Variants in ARHGEF11 observed in about 807,000 individuals in gnomAD.
ARHGEF11 encodes Rho guanine nucleotide exchange factor 11.
In ARHGEF11, 55 loss-of-function variants were observed where a neutral mutation model predicts 193.7. That is an observed-to-expected ratio of 0.28 (90% CI 0.23 to 0.36). ARHGEF11 has a LOEUF of 0.36. Among genes scored for constraint, ARHGEF11 ranks in the 10% least tolerant of loss-of-function variants. The pLI is 1.00. For missense variants in ARHGEF11, 1,723 were observed against 2,005.6 expected (o/e 0.86, Z 2.69); for synonymous variants, 693 against 768.0 (o/e 0.90, Z 1.62).
chr1:157,010,155 G>A (rs1045162168), intron 1 of ARHGEF11, among the ~76,000 whole-genome samples: 7 of 152,256 alleles, frequency 4.6e-5, no homozygotes, highest in South Asian at 4.1e-4. Context: ...GCAACACAGC[G>A]AGATCCCATC....
intron 1 of ARHGEF11, among the ~76,000 whole-genome samples, chr1:156,991,710 AT>A (rs57140356): frequency 2.4e-3 from 203 of 83,928 alleles, no homozygotes; most frequent in Non-Finnish European, 3.3e-3. Flanking sequence ...TTTCAAGCTT[AT>A]TTTTTTTTTT....
rs766925017 is a variant in ARHGEF11 at position 156,963,545 on chromosome 1, T to C, written c.1013A>G (p.Tyr338Cys). Reference protein sequence around the residue: ...KPLIIGPEEDYDPGYFNNESD... With the variant: ...KPLIIGPEEDCDPGYFNNESD... ...CTCGTTGTTGAAATAACCCGGGTCATAGTCTTCCTCTGGGCCAATAATTAA... is the reference window on the plus strand; with the variant it reads ...CTCGTTGTTGAAATAACCCGGGTCACAGTCTTCCTCTGGGCCAATAATTAA... Residue 338 changes from tyrosine to cysteine, a missense_variant, in exon 12 of 41, where the codon TAT becomes TGT. Tyr to Cys is a radical substitution (Grantham distance 194). Around this residue, in one of 5 missense-constraint regions of ARHGEF11, gnomAD observed 646 missense variants for 710.7 expected, o/e 0.91. Coordinates refer to ENST00000368194, the MANE Select transcript of ARHGEF11 (RefSeq NM_198236.3). 24 of 1,612,628 alleles carry C rather than the reference T, an allele frequency of 1.5e-5. No individual in the cohort carries two copies. The highest frequency in any genetic ancestry group is 4.0e-5 in the African/African-American group (3 of 74,830).
intron 30 of ARHGEF11, 75 bp from the exon 31 acceptor site, chr1:156,944,508 A>G (rs1657758772): frequency 1.3e-6 from 2 of 1,489,226 alleles, no homozygotes; most frequent in Admixed American, 3.4e-5. Flanking sequence ...ACTGTGTGCC[A>G]GACATTGTGT....
chr1:157,034,643 G>A (rs1412659472), intron 1 of ARHGEF11, among the ~76,000 whole-genome samples: 1 of 152,160 alleles, frequency 6.6e-6, no homozygotes, highest in Non-Finnish European at 1.5e-5. Flanking sequence ...AGCACATAGG[G>A]AGTATACCGT....
At position 156,963,319 on chromosome 1, in the gene ARHGEF11, G is replaced by T; in HGVS notation, c.1039-15C>A. 6.2e-7 allele frequency: 1 copy of T among 1,609,728 alleles called. No homozygotes were observed. Among genetic ancestry groups the T allele is most frequent in the Non-Finnish European group, 8.5e-7 (1 of 1,176,322 alleles). ...ATGATGTCGCTCTGGAAGGCAGAAG[G>T]ATGAGCATGGTGGGAAGCCGGGCAC... On this transcript the variant is annotated splice_polypyrimidine_tract_variant and intron_variant, in intron 12 of 40. Transcript: ENST00000368194.
rs1662514097 is a variant in ARHGEF11 at position 156,971,767 on chromosome 1, T to C, written c.632A>G (p.Gln211Arg). 3 of 1,613,942 alleles carry C rather than the reference T, an allele frequency of 1.9e-6. No homozygotes were observed. Among genetic ancestry groups the C allele is most frequent in the Non-Finnish European group, 2.5e-6 (3 of 1,180,004 alleles). ...SRNPASLLEE[Q>R]IEGARRRVTQ... ...GACTCGCCGCCGGGCACCTTCGATC[T>C]GCTCTTCCAGTAGGCTGGCGGGGTT... Residue 211 changes from glutamine to arginine, a missense_variant, in exon 8 of 41, where the codon CAG (glutamine) becomes CGG (arginine). Transcript: ENST00000368194.
chr1:156,959,943 C>CCCAAA (rs1553204878), intron 15 of ARHGEF11, among the ~76,000 whole-genome samples: 1 of 97,100 alleles, frequency 1.0e-5, no homozygotes, highest in African/African-American at 3.9e-5. Context: ...CCCCCCCCCC[C>CCCAAA]AAAAAAAACA....
intron 20 of ARHGEF11, 76 bp downstream of exon 20, chr1:156,955,627 C>T: frequency 8.4e-7 from 1 of 1,191,812 alleles, no homozygotes; most frequent in South Asian, 1.2e-5. Context: ...AGGCCCTCTG[C>T]CAACATACTG....
rs185180281 is a variant in ARHGEF11 at position 156,975,331 on chromosome 1, T to C, written c.582+1652A>G. On this transcript the variant is annotated intron_variant, in intron 7 of 40. Transcript: ENST00000368194. Reference sequence around the variant, plus strand: ...AATGCTGGGCATCTTCCCATGCTTATTGGCCATTTGTATGTCTGTCTTCTT... The same window carrying C: ...AATGCTGGGCATCTTCCCATGCTTACTGGCCATTTGTATGTCTGTCTTCTT... Among the ~76,000 whole-genome samples the C allele has an allele frequency of 3.9e-4, 60 of 152,368 alleles. No homozygotes were observed. In the Middle Eastern group the frequency reaches 0.017, roughly 43 times the overall value.
intron 39 of ARHGEF11, 93 bp downstream of exon 39, chr1:156,937,156 G>C: frequency 6.3e-7 from 1 of 1,585,982 alleles, no homozygotes; most frequent in South Asian, 1.2e-5. Flanking sequence ...ACAGGATCTA[G>C]GGCTCCCGCG....
At chr1:156,976,921 T>C in intron 7 of ARHGEF11, 62 bp downstream of exon 7, 1 of 1,444,716 alleles carries the variant, frequency 6.9e-7, no homozygotes, top group South Asian at 1.1e-5. Flanking sequence ...ATTGGCAGGC[T>C]GCTCTGATAA....
rs778595029 is a variant in ARHGEF11, at chr1:156,948,193, T to G, written c.2141A>C (p.Lys714Thr). The G allele has an allele frequency of 1.3e-6, 2 of 1,571,664 alleles. No homozygotes were observed. Among genetic ancestry groups the G allele is most frequent in the Non-Finnish European group, 1.7e-6 (2 of 1,156,824 alleles). The stretch of plus-strand genomic sequence containing the variant: ...GCCCATCACTTACCTGCGGCCCATT[T>G]TGGGAGTGAATGGAGGGGTTGGGTT... Reference protein sequence around the residue: ...LENPTPPFTPKMGRRSIESPS... With the variant: ...LENPTPPFTPTMGRRSIESPS... Residue 714 changes from lysine to threonine, a missense_variant, in exon 24 of 41, where the codon AAA becomes ACA. By Grantham distance (78) the Lys-to-Thr change is moderately conservative. This residue lies in a region of ARHGEF11 where 491 missense variants were observed against 654.5 expected (regional missense o/e 0.75). Coordinates refer to ENST00000368194, the MANE Select transcript of ARHGEF11 (RefSeq NM_198236.3). This position sits in a 1 kb window ranked among gnomAD's most constrained non-coding sequence, Gnocchi z 4.2.
At chr1:157,034,811 A>G (rs775641761) in intron 1 of ARHGEF11, among the ~76,000 whole-genome samples, 23 of 152,344 alleles carry the variant, frequency 1.5e-4, no homozygotes, top group Non-Finnish European at 2.8e-4. Flanking sequence ...ACTTTTACAC[A>G]AATTATTTTA....
intron 18 of ARHGEF11, among the ~76,000 whole-genome samples, chr1:156,956,881 A>G (rs191883234): frequency 2.0e-5 from 3 of 152,246 alleles, no homozygotes; most frequent in African/African-American, 7.2e-5. Flanking sequence ...ATTCCCTAAA[A>G]TGTAAGTAAA....
chr1:156,938,589 G>T, intron 37 of ARHGEF11, 76 bp from the exon 38 acceptor site: 1 of 1,444,232 alleles, frequency 6.9e-7, no homozygotes, highest in East Asian at 2.3e-5. Context: ...GAACAGGAAG[G>T]AGAGAGGGCA....
chr1:157,027,359 G>A (rs1024078614), intron 1 of ARHGEF11, among the ~76,000 whole-genome samples: 2 of 152,300 alleles, frequency 1.3e-5, no homozygotes, highest in East Asian at 1.9e-4. Context: ...TCCAGTCTGG[G>A]TGACAGAGTG....
intron 3 of ARHGEF11, among the ~76,000 whole-genome samples, chr1:156,980,742 C>G (rs1390836299): frequency 1.4e-5 from 2 of 144,616 alleles, no homozygotes; most frequent in Admixed American, 1.5e-4. Flanking sequence ...CAGGCCAAGG[C>G]AGGAGCGAGG....
chr1:156,989,174 T>A (rs1185947725), intron 1 of ARHGEF11, among the ~76,000 whole-genome samples: 1 of 151,916 alleles, frequency 6.6e-6, no homozygotes, highest in East Asian at 1.9e-4. Context: ...CCCCCCAAAT[T>A]TGTACTCTAA....
intron 11 of ARHGEF11, 153 bp downstream of exon 11, chr1:156,967,834 T>C: frequency 2.2e-6 from 2 of 915,016 alleles, no homozygotes; most frequent in South Asian, 3.3e-5. Flanking sequence ...CTTTCTTTAC[T>C]ATTTGCTCTC....
Sources: allele counts gnomAD v4.1 joint callset (sites outside exome capture counted in the v4.1 genomes callset), GRCh38; gene constraint gnomAD v4.1.1; regional missense constraint gnomAD v4.1.1; non-coding constraint Gnocchi (gnomAD v3.1); transcripts MANE v1.5; gene names NCBI Gene and HGNC (gene_info 2026-07-23, HGNC 2026-07-21).